Variants in BCAS3 observed in about 807,000 individuals in gnomAD.
BCAS3 encodes BCAS3 microtubule associated cell migration factor, also known as BCAS4/BCAS3 fusion.
A neutral mutation model predicts 116.1 loss-of-function variants in BCAS3; 53 were observed. That is an observed-to-expected ratio of 0.46 (90% confidence interval 0.37 to 0.57). The LOEUF (loss-of-function observed/expected upper bound fraction) is 0.57. BCAS3 is among the 20% of genes least tolerant of loss of function. The pLI is 0.00. For synonymous variants in BCAS3, 391 were observed against 408.2 expected (o/e 0.96, Z 0.51); for missense variants, 917 against 1,165.4 (o/e 0.79, Z 3.10).
At chr17:61,268,630 T>C (rs2049966641) in intron 22 of BCAS3, among the ~76,000 whole-genome samples, 1 of 152,104 alleles carries the variant, frequency 6.6e-6, no homozygotes, top group Non-Finnish European at 1.5e-5. Flanking sequence ...TCGCCCAGGC[T>C]GGAGTACAAT....
rs1361348496 is a variant in BCAS3 at position 60,923,997 on chromosome 17, A to G, written c.994-410A>G. Among the ~76,000 whole-genome samples the G allele has an allele frequency of 2.6e-5, 4 of 152,190 alleles. 1 individual carries two copies. The highest frequency in any genetic ancestry group is 5.9e-5 in the Non-Finnish European group (4 of 68,028). ...GTTTCCCCCCCATTCTTATATTTCA[A>G]TAAGGGGCAAAAAATTGTGATTTCC... On this transcript the variant is annotated intron_variant, in intron 12 of 23. Coordinates refer to ENST00000407086, the MANE Select transcript of BCAS3 (RefSeq NM_017679.5).
chr17:60,939,032 G>A (rs915269803), intron 13 of BCAS3, among the ~76,000 whole-genome samples: 2 of 152,064 alleles, frequency 1.3e-5, no homozygotes, highest in Non-Finnish European at 2.9e-5. Flanking sequence ...TTTAATATAT[G>A]ACCCTGCAAT....
In BCAS3 at chr17:61,140,405, T is replaced by C. The variant is rs1256705379; in HGVS notation, c.2425+55841T>C. Among the ~76,000 whole-genome samples, 1 of 152,186 alleles carries C rather than the reference T, an allele frequency of 6.6e-6. No homozygotes were observed. Among genetic ancestry groups the C allele is most frequent in the Non-Finnish European group, 1.5e-5 (1 of 68,030 alleles). ...CTGAAAGTAGAGTGCTGGTGGGAGA[T>C]GTGGAACAGGGGACAAGAGATGGAA... On this transcript the variant is annotated intron_variant, in intron 22 of 23. Coordinates refer to ENST00000407086, the MANE Select transcript of BCAS3 (RefSeq NM_017679.5). The surrounding 1 kb of genome is among the most constrained non-coding windows in gnomAD (Gnocchi z 4.2).
chr17:61,157,922 C>G (rs2077955024), intron 22 of BCAS3, among the ~76,000 whole-genome samples: 1 of 152,268 alleles, frequency 6.6e-6, no homozygotes, highest in East Asian at 1.9e-4. Context: ...CTCTAACTAC[C>G]TTATTTCCTG....
At chr17:60,845,224 C>A (rs1466076153) in intron 7 of BCAS3, among the ~76,000 whole-genome samples, 1 of 152,174 alleles carries the variant, frequency 6.6e-6, no homozygotes, top group African/African-American at 2.4e-5. Context: ...AGGGAGACTC[C>A]GTCTCTAAAT....
chr17:60,791,527 G>C (rs2046768518), intron 6 of BCAS3, among the ~76,000 whole-genome samples: 1 of 152,084 alleles, frequency 6.6e-6, no homozygotes, highest in Admixed American at 6.5e-5. Context: ...GGCGGCGCAT[G>C]TCTGTAGTAC....
At chr17:60,829,455 C>G (rs1415880481) in intron 7 of BCAS3, among the ~76,000 whole-genome samples, 1 of 150,110 alleles carries the variant, frequency 6.7e-6, no homozygotes, top group Non-Finnish European at 1.5e-5. Flanking sequence ...GATCACGCCA[C>G]TGCACTCCAG....
chr17:60,769,601 G>C (rs1412658510), intron 6 of BCAS3, among the ~76,000 whole-genome samples: 1 of 152,244 alleles, frequency 6.6e-6, no homozygotes. Context: ...GGAGCAGCTA[G>C]GCAGGTGGTT....
At chr17:61,172,358 G>A (rs1226525487) in intron 22 of BCAS3, among the ~76,000 whole-genome samples, 1 of 152,190 alleles carries the variant, frequency 6.6e-6, no homozygotes, top group Non-Finnish European at 1.5e-5. Flanking sequence ...TATTCTGGCC[G>A]GGCGTGGTGG....
chr17:60,948,835 A>G (rs772346744), intron 14 of BCAS3, among the ~76,000 whole-genome samples: 1 of 152,168 alleles, frequency 6.6e-6, no homozygotes, highest in South Asian at 2.1e-4. Context: ...TAATAAGACA[A>G]TCAAGTAGTT....
At chr17:60,968,842 C>T (rs1158302971) in intron 14 of BCAS3, among the ~76,000 whole-genome samples, 1 of 152,130 alleles carries the variant, frequency 6.6e-6, no homozygotes, top group East Asian at 1.9e-4. Context: ...CCCACTTTGT[C>T]TTGGCCTGTC....
chr17:60,797,717 T>C (rs1183354014), intron 6 of BCAS3, among the ~76,000 whole-genome samples: 1 of 152,044 alleles, frequency 6.6e-6, no homozygotes, highest in Non-Finnish European at 1.5e-5. Context: ...TGGTGTATGA[T>C]GTTCTTCTCT....
chr17:61,221,341 A>G (rs941380253), intron 22 of BCAS3, among the ~76,000 whole-genome samples: 1 of 152,074 alleles, frequency 6.6e-6, no homozygotes, highest in Middle Eastern at 3.2e-3. Context: ...ATCACCATCC[A>G]CAGTGTTGCA....
Position 60,964,490 on chromosome 17 carries a change from G to A in BCAS3, c.1221+17138G>A, listed in dbSNP as rs533458719. On this transcript the variant is annotated intron_variant, in intron 14 of 23. Coordinates refer to ENST00000407086, the MANE Select transcript of BCAS3 (RefSeq NM_017679.5). The surrounding 1 kb of genome is among the most constrained non-coding windows in gnomAD (Gnocchi z 4.6). The stretch of plus-strand genomic sequence containing the variant: ...TGTTCATCACGGATATTGGCCTGTA[G>A]TTTTCTTTTCTTGTTGTCGTGTCCT... 2.0e-4 allele frequency among the ~76,000 whole-genome samples: 31 copies of A among 152,214 alleles called. No individual in the cohort carries two copies. Among genetic ancestry groups the A allele is most frequent in the African/African-American group, 7.5e-4 (31 of 41,542 alleles).
chr17:60,998,826 T>C (rs1289503719), intron 15 of BCAS3, among the ~76,000 whole-genome samples: 1 of 152,160 alleles, frequency 6.6e-6, no homozygotes, highest in Non-Finnish European at 1.5e-5. Flanking sequence ...TTTAATTAGG[T>C]CCCAGTTGTC....
intron 22 of BCAS3, among the ~76,000 whole-genome samples, chr17:61,168,569 T>A (rs1055799604): frequency 4.6e-5 from 7 of 152,216 alleles, no homozygotes; most frequent in African/African-American, 1.7e-4. Flanking sequence ...AGTAATTTAA[T>A]TAGGCCACAA....
chr17:60,735,431 T>A (rs532214861), intron 5 of BCAS3, among the ~76,000 whole-genome samples: 1 of 152,018 alleles, frequency 6.6e-6, no homozygotes, highest in Non-Finnish European at 1.5e-5. Context: ...AGTATGATTT[T>A]TTATTTTATT....
intron 6 of BCAS3, among the ~76,000 whole-genome samples, chr17:60,755,011 G>A (rs2042872248): frequency 6.6e-6 from 1 of 152,170 alleles, no homozygotes. Context: ...TGCTAAGCCT[G>A]TGATGTGATT....
At chr17:61,045,581 C>T (rs955269114) in intron 19 of BCAS3, among the ~76,000 whole-genome samples, 2 of 149,760 alleles carry the variant, frequency 1.3e-5, no homozygotes, top group African/African-American at 4.9e-5. Context: ...TTTGGAAGGC[C>T]GAGGCGGGGG....
Sources: gnomAD v4.1 joint callset for allele counts (sites outside exome capture counted in the v4.1 genomes callset) on GRCh38, gnomAD v4.1.1 for gene constraint, Gnocchi (gnomAD v3.1) non-coding constraint, MANE v1.5 for transcripts, NCBI Gene and HGNC (gene_info 2026-07-23, HGNC 2026-07-21) for gene names.